CERS1: variants seen among roughly 807,000 people sequenced by gnomAD.
The protein encoded by CERS1 is Embryonic growth/differentiation factor 1.
CERS1 carries 16 observed loss-of-function variants against 35.7 expected under a neutral mutation model. That is an observed-to-expected ratio of 0.45 (90% CI 0.30 to 0.68). CERS1 has a LOEUF of 0.68. Among genes scored for constraint, CERS1 ranks in the 30% least tolerant of loss-of-function variants. The probability of loss-of-function intolerance (pLI) is 0.08; values close to 1 mark genes in which losing one functional copy is unlikely to be tolerated. For missense variants in CERS1, 454 were observed against 453.9 expected, an observed-to-expected ratio of 1.00 and a Z score of 0.00; for synonymous variants, 243 against 201.6, an observed-to-expected ratio of 1.21 and a Z score of -1.74.
Position 18,879,045 on chromosome 19 carries a change from A to T in CERS1, c.901-6T>A, listed in dbSNP as rs1470403378. ...GCTGCAAACGCCACGATGTACTGCGAGAGGGGAGGGGAGGTGCCAGTGAGA... is the reference window on the plus strand; with the variant it reads ...GCTGCAAACGCCACGATGTACTGCGTGAGGGGAGGGGAGGTGCCAGTGAGA... On this transcript the variant is annotated splice_polypyrimidine_tract_variant and splice_region_variant and intron_variant, in intron 5 of 7. Coordinates refer to ENST00000623882, the MANE Select transcript of CERS1 (RefSeq NM_021267.5). The T allele has an allele frequency of 1.9e-6, 3 of 1,612,906 alleles. No homozygotes were observed. The highest frequency in any genetic ancestry group is 2.5e-6 in the Non-Finnish European group (3 of 1,179,754).
At chr19:18,894,607 C>T (rs1397003572) in intron 1 of CERS1, among the ~76,000 whole-genome samples, 1 of 152,082 alleles carries the variant, frequency 6.6e-6, no homozygotes, top group African/African-American at 2.4e-5. Context: ...TCCTGGGTCT[C>T]GGGCTTCCCA....
intron 6 of CERS1, among the ~76,000 whole-genome samples, chr19:18,873,327 G>C (rs952542910): frequency 6.6e-6 from 1 of 152,012 alleles, no homozygotes; most frequent in African/African-American, 2.4e-5. Flanking sequence ...ATTAAGTGTG[G>C]GTAGAGAAAG....
Position 18,868,749 on chromosome 19 carries a change from G to C in CERS1, c.*1236C>G. 1 of 1,521,786 alleles carries C rather than the reference G, an allele frequency of 6.6e-7. No individual in the cohort carries two copies. The allele number at this position is 1,521,786 out of a possible 1,614,324, so 94.3% of individuals were successfully genotyped here. A position where few individuals can be genotyped will look rare whatever the true frequency, so the allele number is the denominator to read the frequency against. On this transcript the variant is annotated 3_prime_UTR_variant, in exon 8 of 8. Transcript: ENST00000623882. ...GCTCCCGGGGCGGCCGCGTGCATGA[G>C]CGCGCGCAGCACAGCGTGGTTGAGC...
Position 18,870,231 on chromosome 19 carries a change from AG to A in CERS1, c.*345del, listed in dbSNP as rs2055943142. On this transcript the variant is annotated 3_prime_UTR_variant, in exon 7 of 8. Transcript: ENST00000623882. This position sits in a 1 kb window ranked among gnomAD's most constrained non-coding sequence, Gnocchi z 5.1. ...GCCTGGGGGCACGGGGGCGCGGGTC[AG>A]GGGCAGCGAGGGCAGCAGCAGGGCC... 3 of 1,553,052 alleles carry A rather than the reference AG, an allele frequency of 1.9e-6. No individual in the cohort carries two copies. The African/African-American group carries it at 4.1e-5, about 21-fold the overall frequency.
chr19:18,892,442 G>A (rs2238662), intron 2 of CERS1, among the ~76,000 whole-genome samples: 33,540 of 151,506 alleles, frequency 0.22, 5,768 homozygotes, highest in African/African-American at 0.48. Flanking sequence ...GTGAAACCCC[G>A]TCTCTACTAA....
At chr19:18,886,514 C>T (rs56165767) in intron 2 of CERS1, among the ~76,000 whole-genome samples, 4,617 of 152,204 alleles carry the variant, frequency 0.03, 101 homozygotes, top group Non-Finnish European at 0.039. Flanking sequence ...AAGATGTTGC[C>T]ACTGCACTCC....
rs373371662 is a variant in CERS1 at position 18,893,987 on chromosome 19, G to C, written c.250-412C>G. On this transcript the variant is annotated intron_variant, in intron 1 of 7. Transcript: ENST00000623882. ...GAAACACAGAGAGCCCCATGGGACC[G>C]ACACAGAGGGGAGAGGAAGAACTTG... Among the ~76,000 whole-genome samples, 79 of 151,980 alleles carry C rather than the reference G, an allele frequency of 5.2e-4. No individual in the cohort carries two copies. In the East Asian group the frequency reaches 0.012, roughly 23 times the overall value.
intron 2 of CERS1, among the ~76,000 whole-genome samples, chr19:18,892,600 C>G (rs1055319302): frequency 1.3e-5 from 2 of 151,920 alleles, no homozygotes; most frequent in African/African-American, 4.8e-5. Flanking sequence ...GGCGACAGAG[C>G]GAGACTCCAT....
Position 18,878,174 on chromosome 19 carries a change from G to A in CERS1, c.1010+756C>T. 6.1e-6 allele frequency: 6 copies of A among 985,596 alleles called. No homozygotes were observed. In the South Asian group the frequency reaches 2.8e-4, roughly 46 times the overall value. The allele number at this position is 985,596 out of a possible 1,614,324, so 61.1% of individuals were successfully genotyped here. A position where few individuals can be genotyped will look rare whatever the true frequency, so the allele number is the denominator to read the frequency against. ...GGGCCTGGCTGGTCGGCACCTTCCA[G>A]GGCCTTCCACAACCTCCTGCCCCGG... On this transcript the variant is annotated intron_variant, in intron 6 of 7. Coordinates refer to ENST00000623882, the MANE Select transcript of CERS1 (RefSeq NM_021267.5). This position sits in a 1 kb window ranked among gnomAD's most constrained non-coding sequence, Gnocchi z 4.6.
At chr19:18,879,211 C>T (rs747192512) in intron 5 of CERS1, 30 bp downstream of exon 5, 1 of 1,612,888 alleles carries the variant, frequency 6.2e-7, no homozygotes, top group South Asian at 1.1e-5. Flanking sequence ...ACGGGACCGC[C>T]ACTGTGGAGG....
chr19:18,890,795 A>AG (rs1277149109), intron 2 of CERS1, among the ~76,000 whole-genome samples: 1 of 149,920 alleles, frequency 6.7e-6, no homozygotes, highest in Non-Finnish European at 1.5e-5. Flanking sequence ...AAAAAAAAAA[A>AG]AAAAAAAAGC....
intron 6 of CERS1, among the ~76,000 whole-genome samples, chr19:18,873,413 A>T (rs888862682): frequency 6.6e-6 from 1 of 152,010 alleles, no homozygotes; most frequent in African/African-American, 2.4e-5. Flanking sequence ...AAGGGCTTCA[A>T]GGGCCAGGCG....
At position 18,870,123 on chromosome 19, in the gene CERS1, A is replaced by G. The variant is rs934696667; in HGVS notation, c.*454T>C. 2.6e-6 allele frequency: 4 copies of G among 1,567,588 alleles called. No homozygotes were observed. The highest frequency in any genetic ancestry group is 1.8e-5 in the Admixed American group (1 of 55,076). ...GTCCCGGCGTCGAAACAGGCGCCAC[A>G]TGACCGGGGGAACCGGCCGGAGCCT... On this transcript the variant is annotated 3_prime_UTR_variant, in exon 7 of 8. Transcript: ENST00000623882. This position sits in a 1 kb window ranked among gnomAD's most constrained non-coding sequence, Gnocchi z 5.1.
At position 18,880,338 on chromosome 19, in the gene CERS1, C is replaced by T. The variant is rs935097145; in HGVS notation, c.688G>A (p.Gly230Ser). 3 of 1,556,338 alleles carry T rather than the reference C, an allele frequency of 1.9e-6. No individual in the cohort carries two copies. Among genetic ancestry groups the T allele is most frequent in the East Asian group, 2.4e-5 (1 of 41,406 alleles). ...AAGGCATGCAGCCGATGGTAGGAGC[C>T]GCCGCGGGACTTGAAGTAAATGTTG... ...KLNIYFKSRG[G>S]SYHRLHALAA... The change falls in exon 4 of 8, where the codon GGC becomes AGC. Residue 230 changes from glycine (G) to serine (S), a missense_variant. Physicochemically the swap from Gly to Ser is moderately conservative, Grantham distance 56. Transcript: ENST00000623882.
intron 4 of CERS1, among the ~76,000 whole-genome samples, chr19:18,879,847 C>T (rs1395511656): frequency 6.6e-6 from 1 of 150,642 alleles, no homozygotes; most frequent in Non-Finnish European, 1.5e-5. Flanking sequence ...TGCACAGCGC[C>T]TCCCTTTCTC....
At chr19:18,888,027 C>T (rs1428501603) in intron 2 of CERS1, among the ~76,000 whole-genome samples, 1 of 152,068 alleles carries the variant, frequency 6.6e-6, no homozygotes, top group Non-Finnish European at 1.5e-5. Context: ...TTGTGATTGG[C>T]TAAAATGCCT....
At position 18,869,298 on chromosome 19, in the gene CERS1, C is replaced by T. The variant is rs2055916091; in HGVS notation, c.*687G>A. ...TCCAGGCGGGCCCGGCTCGGGCGCTCAGCGGGTTCCACAGCCGACAGGTCG... is the reference window on the plus strand; with the variant it reads ...TCCAGGCGGGCCCGGCTCGGGCGCTTAGCGGGTTCCACAGCCGACAGGTCG... On this transcript the variant is annotated 3_prime_UTR_variant, in exon 8 of 8. Transcript: ENST00000623882. 1 of 1,515,142 alleles carries T rather than the reference C, an allele frequency of 6.6e-7. No individual in the cohort carries two copies. Among genetic ancestry groups the T allele is most frequent in the South Asian group, 1.2e-5 (1 of 82,996 alleles). 93.9% of individuals were successfully genotyped at this position (1,515,142 alleles called of 1,614,324 possible).
chr19:18,882,293 C>G (rs1002124645), intron 3 of CERS1, among the ~76,000 whole-genome samples: 1 of 152,150 alleles, frequency 6.6e-6, no homozygotes, highest in Admixed American at 6.5e-5. Context: ...AGCCCTTGAA[C>G]TGTGGCTTGT....
chr19:18,871,853 CT>C (rs768855980), intron 6 of CERS1, among the ~76,000 whole-genome samples: 8 of 152,198 alleles, frequency 5.3e-5, no homozygotes, highest in Non-Finnish European at 1.2e-4. Context: ...TTCATCCACC[CT>C]TGTGGCTTCT....
Sources: gnomAD v4.1 joint callset for allele counts (sites outside exome capture counted in the v4.1 genomes callset) on GRCh38, gnomAD v4.1.1 for gene constraint, Gnocchi (gnomAD v3.1) non-coding constraint, MANE v1.5 for transcripts, NCBI Gene and HGNC (gene_info 2026-07-23, HGNC 2026-07-21) for gene names.